DPF3: variants seen among roughly 807,000 people sequenced by gnomAD.
DPF3 encodes the protein zinc finger protein DPF3.
In DPF3, 18 loss-of-function variants were observed where a neutral mutation model predicts 56.8. The ratio of observed to expected loss-of-function variants is 0.32; its 90% CI spans 0.22 to 0.47. The LOEUF (loss-of-function observed/expected upper bound fraction) is 0.47. Ranked by LOEUF, DPF3 falls within the 20% of genes least tolerant of loss-of-function variation. DPF3 has a pLI of 1.00. For missense variants in DPF3, 403 were observed against 488.8 expected (o/e 0.82, Z 1.65); for synonymous variants, 188 against 180.2 (o/e 1.04, Z -0.35).
At chr14:72,829,386 AAC>A (rs1883954468) in intron 1 of DPF3, among the ~76,000 whole-genome samples, 1 of 152,076 alleles carries the variant, frequency 6.6e-6, no homozygotes, top group South Asian at 2.1e-4. Context: ...ATCCCTAATA[AAC>A]AGTTTTTTGT....
chr14:72,637,725 T>C (rs1398279043), intron 8 of DPF3, among the ~76,000 whole-genome samples: 1 of 152,170 alleles, frequency 6.6e-6, no homozygotes, highest in Non-Finnish European at 1.5e-5. Context: ...TTTTTAAAGA[T>C]ACTACTGATC....
chr14:72,662,665 C>T (rs998953335), intron 8 of DPF3: 46 of 985,640 alleles, frequency 4.7e-5, no homozygotes, highest in Non-Finnish European at 5.5e-5. Context: ...ATTTTCCACT[C>T]CTGTGCTGGC....
chr14:72,773,416 G>A (rs1599428925), intron 1 of DPF3, among the ~76,000 whole-genome samples: 1 of 152,126 alleles, frequency 6.6e-6, no homozygotes, highest in African/African-American at 2.4e-5. Context: ...TTACAGGCGT[G>A]AGCCACCATG....
In DPF3 at chr14:72,618,751, C is replaced by T. The variant is rs572322700; in HGVS notation, c.*546G>A. On this transcript the variant is annotated 3_prime_UTR_variant, in exon 11 of 11. Coordinates refer to ENST00000556509, the MANE Select transcript of DPF3 (RefSeq NM_001280542.3). ...AGGCAACTCTTTGTCTCCACAGACA[C>T]CAAGGAACAAGAAAGGGTTTCAAGA... Among the ~76,000 whole-genome samples, 19 of 152,190 alleles carry T rather than the reference C, an allele frequency of 1.2e-4. No individual in the cohort carries two copies. Among genetic ancestry groups the T allele is most frequent in the African/African-American group, 4.1e-4 (17 of 41,510 alleles).
intron 7 of DPF3, among the ~76,000 whole-genome samples, chr14:72,690,546 G>A (rs554555028): frequency 3.1e-4 from 46 of 149,160 alleles, no homozygotes; most frequent in African/African-American, 1.1e-3. Context: ...CAAACAACAC[G>A]CACACACATG....
intron 1 of DPF3, among the ~76,000 whole-genome samples, chr14:72,888,540 A>G (rs560013042): frequency 3.3e-5 from 5 of 152,346 alleles, no homozygotes; most frequent in Admixed American, 1.3e-4. Flanking sequence ...ATGGATCACA[A>G]TATCAGTCTC....
At chr14:72,838,906 T>TG (rs375598670) in intron 1 of DPF3, among the ~76,000 whole-genome samples, 1 of 87,764 alleles carries the variant, frequency 1.1e-5, no homozygotes, top group Non-Finnish European at 2.2e-5. Context: ...ATCATATATA[T>TG]TCTTTTTTTT....
intron 6 of DPF3, among the ~76,000 whole-genome samples, chr14:72,702,877 C>T (rs1888237189): frequency 6.6e-6 from 1 of 151,704 alleles, no homozygotes; most frequent in African/African-American, 2.4e-5. Context: ...GTGGGCTTCT[C>T]CTCCCTCCCC....
intron 1 of DPF3, among the ~76,000 whole-genome samples, chr14:72,780,246 C>A (rs1891916928): frequency 6.6e-6 from 1 of 152,206 alleles, no homozygotes; most frequent in South Asian, 2.1e-4. Context: ...TGAAAACTTG[C>A]TTCTTCCAGG....
chr14:72,734,385 C>A (rs1241070732), intron 3 of DPF3, among the ~76,000 whole-genome samples: 1 of 152,136 alleles, frequency 6.6e-6, no homozygotes, highest in Non-Finnish European at 1.5e-5. Flanking sequence ...TGGAGTACAT[C>A]TCCATAGCCT....
rs1883938005 is a variant in DPF3 at position 72,614,254 on chromosome 14, A to G, written c.*5043T>C. ...TCTGACCACGGACCAGTTAGACTCT[A>G]TGGCAAGCTGGGGTTCAGGTAGGGA... On this transcript the variant is annotated 3_prime_UTR_variant, in exon 11 of 11. Coordinates refer to ENST00000556509, the MANE Select transcript of DPF3 (RefSeq NM_001280542.3). Among the ~76,000 whole-genome samples the G allele has an allele frequency of 6.6e-6, 1 of 152,192 alleles. No homozygotes were observed. Among genetic ancestry groups the G allele is most frequent in the African/African-American group, 2.4e-5 (1 of 41,456 alleles).
At position 72,616,157 on chromosome 14, in the gene DPF3, C is replaced by T. The variant is rs1884077756; in HGVS notation, c.*3140G>A. 6.6e-6 allele frequency among the ~76,000 whole-genome samples: 1 copy of T among 152,186 alleles called. No homozygotes were observed. The stretch of plus-strand genomic sequence containing the variant: ...GACCATGCTGGATAGGCCATGTTTC[C>T]CCACCTTACAGACATGTGAAATGAG... On this transcript the variant is annotated 3_prime_UTR_variant, in exon 11 of 11. Coordinates refer to ENST00000556509, the MANE Select transcript of DPF3 (RefSeq NM_001280542.3).
chr14:72,629,583 C>T, intron 9 of DPF3, 41 bp downstream of exon 9: 3 of 1,506,234 alleles, frequency 2.0e-6, no homozygotes, highest in Non-Finnish European at 2.7e-6. Flanking sequence ...GACCCCAGCT[C>T]TGTGGATTTC....
At chr14:72,704,308 A>C (rs1173446702) in intron 6 of DPF3, among the ~76,000 whole-genome samples, 22 of 152,236 alleles carry the variant, frequency 1.4e-4, no homozygotes, top group Non-Finnish European at 2.9e-5. Context: ...TTAAATAATA[A>C]ATGTCATTGT....
At chr14:72,850,442 G>A (rs1884935024) in intron 1 of DPF3, among the ~76,000 whole-genome samples, 1 of 152,172 alleles carries the variant, frequency 6.6e-6, no homozygotes, top group Non-Finnish European at 1.5e-5. Context: ...CTGAGAAAAG[G>A]CAAAGAGAAA....
Position 72,731,831 on chromosome 14 carries a change from C to T in DPF3, c.405G>A (p.Glu135=). The change falls in exon 4 of 11, where the codon GAG becomes GAA. Residue 135 remains glutamate, a synonymous_variant. Coordinates refer to ENST00000556509, the MANE Select transcript of DPF3 (RefSeq NM_001280542.3). ...EGVEKKVDAR[E]EESIQEIQRV... The stretch of plus-strand genomic sequence containing the variant: ...CCTGTATTTCCTGGATGCTTTCCTC[C>T]TCCCTGGCATCCACCTTCTTCTCAA... The T allele has an allele frequency of 6.2e-7, 1 of 1,613,472 alleles. No homozygotes were observed. Among genetic ancestry groups the T allele is most frequent in the Non-Finnish European group, 8.5e-7 (1 of 1,179,734 alleles).
intron 1 of DPF3, among the ~76,000 whole-genome samples, chr14:72,783,946 TC>T (rs2139969378): frequency 6.6e-6 from 1 of 152,204 alleles, no homozygotes; most frequent in Admixed American, 6.5e-5. Flanking sequence ...CTGAAGGTCA[TC>T]CGGAGGGCGC....
intron 5 of DPF3, among the ~76,000 whole-genome samples, chr14:72,721,439 G>T (rs1057017133): frequency 6.6e-6 from 1 of 152,144 alleles, no homozygotes; most frequent in Non-Finnish European, 1.5e-5. Flanking sequence ...GTTCACCAAA[G>T]GCCCAGGAAG....
At chr14:72,781,320 C>A (rs1364966092) in intron 1 of DPF3, among the ~76,000 whole-genome samples, 1 of 152,220 alleles carries the variant, frequency 6.6e-6, no homozygotes, top group Non-Finnish European at 1.5e-5. Context: ...ATCTGACATC[C>A]TTAGTCATTC....
Sources: gnomAD v4.1 joint callset for allele counts (sites outside exome capture counted in the v4.1 genomes callset) on GRCh38, gnomAD v4.1.1 for gene constraint, MANE v1.5 for transcripts, NCBI Gene and HGNC (gene_info 2026-07-23, HGNC 2026-07-21) for gene names.